The following GPR39 variants were observed in gnomAD, a reference collection of about 807,000 sequenced individuals.
GPR39 encodes the protein G protein-coupled receptor 39.
GPR39 carries 23 observed loss-of-function variants against 18.4 expected under a neutral mutation model. The observed-to-expected ratio is 1.25, with a 90% CI of 0.90 to 1.77. The LOEUF is 1.77. Among genes scored for constraint, GPR39 ranks in the 40% most tolerant of loss-of-function variants. The pLI is 0.00. For synonymous variants in GPR39, 280 were observed against 257.9 expected (o/e 1.09, Z -0.82); for missense variants, 647 against 602.4 (o/e 1.07, Z -0.78).
At chr2:132,618,984 G>T (rs1474106476) in intron 1 of GPR39, among the ~76,000 whole-genome samples, 1 of 152,108 alleles carries the variant, frequency 6.6e-6, no homozygotes, top group Non-Finnish European at 1.5e-5. Context: ...CCTGGGAGTC[G>T]GCAGGCCTGG....
intron 1 of GPR39, among the ~76,000 whole-genome samples, chr2:132,518,606 C>A (rs559008024): frequency 1.1e-3 from 167 of 152,090 alleles, no homozygotes; most frequent in African/African-American, 3.9e-3. Flanking sequence ...GTTAACTGAG[C>A]CTTGACAGTG....
At chr2:132,425,537 C>T (rs1352403623) in intron 1 of GPR39, among the ~76,000 whole-genome samples, 4 of 152,146 alleles carry the variant, frequency 2.6e-5, no homozygotes, top group Non-Finnish European at 4.4e-5. Context: ...AAATGGCCTC[C>T]AAAATGCCTG....
chr2:132,493,485 C>T (rs1372653857), intron 1 of GPR39, among the ~76,000 whole-genome samples: 3 of 130,818 alleles, frequency 2.3e-5, no homozygotes, highest in South Asian at 2.5e-4. Context: ...TATATATATA[C>T]ACCATATATA....
intron 1 of GPR39, among the ~76,000 whole-genome samples, chr2:132,643,469 G>C (rs1273799039): frequency 6.6e-6 from 1 of 152,158 alleles, no homozygotes; most frequent in Non-Finnish European, 1.5e-5. Flanking sequence ...GTGCATACAG[G>C]AGGCTCAATT....
chr2:132,443,099 T>C (rs1465208990), intron 1 of GPR39, among the ~76,000 whole-genome samples: 1 of 152,224 alleles, frequency 6.6e-6, no homozygotes, highest in Non-Finnish European at 1.5e-5. Context: ...TTTAATGTAA[T>C]TTGAATTTTT....
intron 1 of GPR39, among the ~76,000 whole-genome samples, chr2:132,492,957 T>TATATATACACC (rs1215998151): frequency 1.8e-4 from 26 of 143,066 alleles, no homozygotes; most frequent in African/African-American, 5.9e-4. Flanking sequence ...ATATACACCA[T>TATATATACACC]ATATATACAC....
chr2:132,445,746 T>A (rs1214222446), intron 1 of GPR39, among the ~76,000 whole-genome samples: 1 of 152,216 alleles, frequency 6.6e-6, no homozygotes, highest in Non-Finnish European at 1.5e-5. Flanking sequence ...TCCAATACAA[T>A]GCTGACCCTA....
At chr2:132,552,310 T>G (rs936711989) in intron 1 of GPR39, among the ~76,000 whole-genome samples, 5 of 152,274 alleles carry the variant, frequency 3.3e-5, no homozygotes, top group African/African-American at 9.6e-5. Flanking sequence ...CATGGCTTGC[T>G]GCTGTCCTCG....
intron 1 of GPR39, among the ~76,000 whole-genome samples, chr2:132,435,806 G>C (rs538406234): frequency 1.6e-4 from 25 of 152,290 alleles, no homozygotes; most frequent in African/African-American, 3.8e-4. Flanking sequence ...AGTCCCCATA[G>C]ACATAAGACA....
intron 1 of GPR39, among the ~76,000 whole-genome samples, chr2:132,521,125 C>A (rs1679418710): frequency 6.6e-6 from 1 of 152,108 alleles, no homozygotes. Flanking sequence ...CCAATGGGAA[C>A]AAGGGAGAAG....
intron 1 of GPR39, among the ~76,000 whole-genome samples, chr2:132,431,680 G>T (rs575798510): frequency 1.2e-3 from 183 of 152,280 alleles, no homozygotes; most frequent in African/African-American, 4.3e-3. Flanking sequence ...GAACTTGGCA[G>T]TGAGCTGTGT....
Position 132,536,959 on chromosome 2 carries a change from T to C in GPR39, c.857-108142T>C, listed in dbSNP as rs528064584. Among the ~76,000 whole-genome samples, 23 of 152,336 alleles carry C rather than the reference T, an allele frequency of 1.5e-4. 1 individual carries two copies. Among genetic ancestry groups the C allele is most frequent in the African/African-American group, 5.3e-4 (22 of 41,586 alleles). ...CATCCATTTATTTTGAGCCTGTGTG[T>C]GTCCCTGCATGTGAGATGGGTCTCC... is the stretch of plus-strand genomic sequence containing the variant. On this transcript the variant is annotated intron_variant, in intron 1 of 1. Coordinates refer to ENST00000329321, the MANE Select transcript of GPR39 (RefSeq NM_001508.3).
chr2:132,456,950 A>G (rs4954325), intron 1 of GPR39, among the ~76,000 whole-genome samples: 42,422 of 151,888 alleles, frequency 0.28, 6,033 homozygotes, highest in Middle Eastern at 0.39. Flanking sequence ...TCTGACAATT[A>G]TGTGTCTTGG....
chr2:132,603,905 G>C (rs1157069356), intron 1 of GPR39, among the ~76,000 whole-genome samples: 2 of 152,180 alleles, frequency 1.3e-5, no homozygotes, highest in Non-Finnish European at 1.5e-5. Flanking sequence ...GCATTATAGT[G>C]ATGGCAGAGT....
intron 1 of GPR39, among the ~76,000 whole-genome samples, chr2:132,568,823 C>G (rs1007224280): frequency 5.9e-5 from 9 of 152,084 alleles, no homozygotes; most frequent in African/African-American, 1.9e-4. Context: ...ATGCACAGCA[C>G]CTTCTGCTGG....
intron 1 of GPR39, among the ~76,000 whole-genome samples, chr2:132,570,285 A>G (rs1369185220): frequency 6.7e-6 from 1 of 149,858 alleles, no homozygotes; most frequent in Admixed American, 6.6e-5. Flanking sequence ...ACCCCCCACT[A>G]CCCCTCGTCT....
At chr2:132,539,386 C>A (rs1254192504) in intron 1 of GPR39, among the ~76,000 whole-genome samples, 2 of 152,104 alleles carry the variant, frequency 1.3e-5, no homozygotes, top group Non-Finnish European at 2.9e-5. Flanking sequence ...ACTGCCTAAC[C>A]AGTCCCAATG....
In GPR39 at chr2:132,637,531, G is replaced by A. The variant is rs746236425; in HGVS notation, c.857-7570G>A. 7.2e-5 allele frequency among the ~76,000 whole-genome samples: 11 copies of A among 152,344 alleles called. 1 individual carries two copies. The highest frequency in any genetic ancestry group is 1.7e-4 in the African/African-American group (7 of 41,586). On this transcript the variant is annotated intron_variant, in intron 1 of 1. Transcript: ENST00000329321. ...ACATCATTTTGAAGTTGTGGCCTGC[G>A]CCTTTCTGAAAACCAAATCCCAACA...
At chr2:132,614,241 C>G (rs1681289172) in intron 1 of GPR39, among the ~76,000 whole-genome samples, 1 of 150,936 alleles carries the variant, frequency 6.6e-6, no homozygotes, top group Admixed American at 6.6e-5. Context: ...GAGTCTTGCT[C>G]TGTCGCACAG....
Sources: allele counts gnomAD v4.1 joint callset (sites outside exome capture counted in the v4.1 genomes callset), GRCh38; gene constraint gnomAD v4.1.1; transcripts MANE v1.5; gene names NCBI Gene and HGNC (gene_info 2026-07-23, HGNC 2026-07-21).